The following P3H2 variants were observed in gnomAD, a reference collection of about 807,000 sequenced individuals.
P3H2 encodes prolyl 3-hydroxylase 2.
P3H2 carries 80 observed loss-of-function variants against 87.0 expected under a neutral mutation model. The ratio of observed to expected loss-of-function variants is 0.92; its 90% CI spans 0.77 to 1.11. P3H2 has a LOEUF of 1.11. Among genes scored for constraint, P3H2 ranks in the 50% least tolerant of loss-of-function variants. The probability of loss-of-function intolerance (pLI) is 0.00; values close to 1 mark genes in which losing one functional copy is unlikely to be tolerated. For missense variants in P3H2, 1,001 were observed against 923.9 expected, an observed-to-expected ratio of 1.08 and a Z score of -1.08; for synonymous variants, 367 against 359.3, an observed-to-expected ratio of 1.02 and a Z score of -0.24.
At chr3:189,978,757 A>G (rs988034887) in intron 8 of P3H2, among the ~76,000 whole-genome samples, 12 of 152,148 alleles carry the variant, frequency 7.9e-5, no homozygotes, top group Non-Finnish European at 7.4e-5. Flanking sequence ...CCATATGACT[A>G]CCAGTCTTAA....
intron 1 of P3H2, among the ~76,000 whole-genome samples, chr3:190,046,630 AAT>A (rs1725814427): frequency 1.7e-4 from 1 of 5,872 alleles, no homozygotes; most frequent in African/African-American, 1.1e-3. Context: ...ATAATCTCAC[AAT>A]CAGATATAGA....
chr3:190,095,804 A>G (rs189325389), intron 1 of P3H2, among the ~76,000 whole-genome samples: 73 of 152,058 alleles, frequency 4.8e-4, no homozygotes, highest in East Asian at 2.1e-3. Context: ...GGGTTTCACC[A>G]TGTTAGCCAG....
chr3:190,001,096 CA>C (rs1248797096), intron 1 of P3H2, among the ~76,000 whole-genome samples: 1 of 152,156 alleles, frequency 6.6e-6, no homozygotes, highest in Non-Finnish European at 1.5e-5. Context: ...TTTCTCAATT[CA>C]GAAGGCAAAC....
chr3:190,092,545 G>T lies in P3H2; in HGVS notation c.480+27707C>A, dbSNP rs571512676. On this transcript the variant is annotated intron_variant, in intron 1 of 14. Transcript: ENST00000319332. ...TTTAAAAATAAGGAAAAGTGCAAGG[G>T]ACTTATGGCATTTTTCCAAAGGCAG... is the stretch of plus-strand genomic sequence containing the variant. Among the ~76,000 whole-genome samples, 271 of 152,260 alleles carry T rather than the reference G, an allele frequency of 1.8e-3. 2 individuals carry two copies. The highest frequency in any genetic ancestry group is 6.8e-3 in the Middle Eastern group (2 of 294).
chr3:190,034,989 C>G (rs566808741), intron 1 of P3H2, among the ~76,000 whole-genome samples: 1 of 151,648 alleles, frequency 6.6e-6, no homozygotes, highest in African/African-American at 2.4e-5. Context: ...GCTGGGATTA[C>G]AGGCATGTAC....
chr3:190,007,986 A>ATATATATATATATATATATATATATATT, intron 1 of P3H2, among the ~76,000 whole-genome samples: 1 of 141,622 alleles, frequency 7.1e-6, no homozygotes. Context: ...ATATATATAT[A>ATATATATATATATATATATATATATATT]GTAAACTTCA....
At chr3:190,020,914 G>C (rs1280701616) in intron 1 of P3H2, among the ~76,000 whole-genome samples, 1 of 134,314 alleles carries the variant, frequency 7.4e-6, no homozygotes, top group Non-Finnish European at 1.7e-5. Flanking sequence ...GGATGGCTAT[G>C]GAACTGCAAG....
chr3:189,980,882 A>G (rs1723512092), intron 8 of P3H2, among the ~76,000 whole-genome samples: 1 of 152,208 alleles, frequency 6.6e-6, no homozygotes, highest in South Asian at 2.1e-4. Flanking sequence ...GTCACCAGAA[A>G]GACCAAGTGA....
chr3:189,974,818 A>G, intron 8 of P3H2, 133 bp from the exon 9 acceptor site: 1 of 1,069,482 alleles, frequency 9.4e-7, no homozygotes. Flanking sequence ...GCAAAGACAA[A>G]TTGCAAATTA....
intron 14 of P3H2, among the ~76,000 whole-genome samples, chr3:189,962,262 C>T (rs1242977127): frequency 1.3e-5 from 2 of 150,654 alleles, no homozygotes; most frequent in Admixed American, 6.6e-5. Context: ...GCAGCCTCCA[C>T]CTCCTGGGTT....
In P3H2 at chr3:189,957,572, C is replaced by G. The variant is rs544439878; in HGVS notation, c.*340G>C. 3.3e-5 allele frequency: 13 copies of G among 397,484 alleles called. 1 individual carries two copies. In the East Asian group the frequency reaches 6.4e-4, roughly 20 times the overall value. 24.6% of individuals were successfully genotyped at this position (397,484 alleles called of 1,614,324 possible). A position where few individuals can be genotyped will look rare whatever the true frequency, so the allele number is the denominator to read the frequency against. On this transcript the variant is annotated 3_prime_UTR_variant, in exon 15 of 15. Transcript: ENST00000319332. Reference sequence around the variant, plus strand: ...GGGTGTGGTGGCACGTGCCTGTGGTCCCAGCTCCCCGGGAGGCTTGAAGGA... The same window carrying G: ...GGGTGTGGTGGCACGTGCCTGTGGTGCCAGCTCCCCGGGAGGCTTGAAGGA...
chr3:190,038,312 G>C (rs1264841660), intron 1 of P3H2, among the ~76,000 whole-genome samples: 1 of 150,338 alleles, frequency 6.7e-6, no homozygotes, highest in African/African-American at 2.4e-5. Context: ...CTATGAGTGA[G>C]TAACATGATG....
intron 1 of P3H2, among the ~76,000 whole-genome samples, chr3:190,034,861 T>TG (rs1185532838): frequency 6.6e-6 from 1 of 151,574 alleles, no homozygotes; most frequent in African/African-American, 2.4e-5. Context: ...TTCTTTTTTT[T>TG]TTTTTGAGAC....
chr3:190,026,069 G>T (rs563202016), intron 1 of P3H2, among the ~76,000 whole-genome samples: 1 of 151,994 alleles, frequency 6.6e-6, no homozygotes, highest in Non-Finnish European at 1.5e-5. Flanking sequence ...ATCTGGGGAG[G>T]TTCTGTTAGT....
rs71674435 is a variant in P3H2, at chr3:189,973,027, G to GAAA, written c.1549-6_1549-4dup. On this transcript the variant is annotated splice_polypyrimidine_tract_variant and splice_region_variant and intron_variant, in intron 10 of 14. Transcript: ENST00000319332. ...GGGACTCGACCTTCATAACCAGACTGAAAAAAAAAAACAAAACATGAGAAA... is the reference window on the plus strand; with the variant it reads ...GGGACTCGACCTTCATAACCAGACTGAAAAAAAAAAAAAACAAAACATGAGAAA... 45 of 1,448,410 alleles carry GAAA rather than the reference G, an allele frequency of 3.1e-5. No homozygotes were observed. Among genetic ancestry groups the GAAA allele is most frequent in the Admixed American group, 1.2e-4 (6 of 51,818 alleles). 89.7% of individuals were successfully genotyped at this position (1,448,410 alleles called of 1,614,324 possible). A position where few individuals can be genotyped will look rare whatever the true frequency, so the allele number is the denominator to read the frequency against.
chr3:190,035,810 A>G (rs1429689134), intron 1 of P3H2, among the ~76,000 whole-genome samples: 1 of 152,076 alleles, frequency 6.6e-6, no homozygotes, highest in African/African-American at 2.4e-5. Context: ...GCAAACCCAG[A>G]TCTTATACCG....
chr3:190,033,569 A>T (rs1725323889), intron 1 of P3H2, among the ~76,000 whole-genome samples: 1 of 152,070 alleles, frequency 6.6e-6, no homozygotes, highest in Non-Finnish European at 1.5e-5. Context: ...GTACATGTCT[A>T]TTTCTTTATG....
chr3:190,022,409 C>T (rs1338751323), intron 1 of P3H2, among the ~76,000 whole-genome samples: 2 of 135,128 alleles, frequency 1.5e-5, no homozygotes, highest in Non-Finnish European at 3.3e-5. Context: ...TTTTCTAAAC[C>T]CATGGTAACT....
intron 1 of P3H2, among the ~76,000 whole-genome samples, chr3:190,007,986 A>ATATATATATATATATATATAT (rs1560359925): frequency 1.4e-5 from 2 of 141,622 alleles, no homozygotes; most frequent in Non-Finnish European, 3.1e-5. Context: ...ATATATATAT[A>ATATATATATATATATATATAT]GTAAACTTCA....
Sources: allele counts gnomAD v4.1 joint callset (sites outside exome capture counted in the v4.1 genomes callset), GRCh38; gene constraint gnomAD v4.1.1; transcripts MANE v1.5; gene names NCBI Gene and HGNC (gene_info 2026-07-23, HGNC 2026-07-21).